Variants in RIMS2 observed in about 807,000 individuals in gnomAD.
RIMS2 encodes the protein regulating synaptic membrane exocytosis protein 2.
A neutral mutation model predicts 174.4 loss-of-function variants in RIMS2; 59 were observed. The ratio of observed to expected loss-of-function variants is 0.34; its 90% CI spans 0.27 to 0.42. The LOEUF is 0.42. Among genes scored for constraint, RIMS2 ranks in the 10% least tolerant of loss-of-function variants. The probability of loss-of-function intolerance (pLI) is 1.00; values close to 1 mark genes in which losing one functional copy is unlikely to be tolerated. For missense variants in RIMS2, 1,620 were observed against 1,666.3 expected (o/e 0.97, Z 0.48); for synonymous variants, 606 against 572.5 (o/e 1.06, Z -0.84).
intron 19 of RIMS2, among the ~76,000 whole-genome samples, chr8:104,176,869 C>T (rs1462176329): frequency 6.6e-6 from 1 of 151,910 alleles, no homozygotes; most frequent in African/African-American, 2.4e-5. Context: ...GTTTTATGTA[C>T]TACTCCTATT....
At chr8:104,238,307 G>A (rs991150910) in intron 19 of RIMS2, among the ~76,000 whole-genome samples, 1 of 152,016 alleles carries the variant, frequency 6.6e-6, no homozygotes, top group East Asian at 1.9e-4. Flanking sequence ...GAGGGGTAGG[G>A]GGCAAGGGGA....
chr8:103,887,042 G>A (rs1024471343), intron 4 of RIMS2, among the ~76,000 whole-genome samples: 1 of 151,642 alleles, frequency 6.6e-6, no homozygotes, highest in South Asian at 2.1e-4. Context: ...TTCCAAAAAG[G>A]TTGTAACATG....
rs150376641 is a variant in RIMS2, at chr8:103,633,192, A to ATT, written c.177-63879_177-63878dup. 8.0e-3 allele frequency among the ~76,000 whole-genome samples: 1,078 copies of ATT among 134,916 alleles called. 13 individuals are homozygous for ATT. Among genetic ancestry groups the ATT allele is most frequent in the Admixed American group, 8.4e-3 (115 of 13,628 alleles). The allele number at this position is 134,916 out of a possible 152,430, so 88.5% of individuals were successfully genotyped here. A position where few individuals can be genotyped will look rare whatever the true frequency, so the allele number is the denominator to read the frequency against. On this transcript the variant is annotated intron_variant, in intron 1 of 23. Coordinates refer to ENST00000504942, the Ensembl canonical transcript of RIMS2. ...CAGGCATGTGCCACCACGCCCGGCTATTTTTTTTTTTTTTTTGTATTTTTT... is the reference window on the plus strand; with the variant it reads ...CAGGCATGTGCCACCACGCCCGGCTATTTTTTTTTTTTTTTTTTGTATTTTTT...
chr8:103,655,717 T>C (rs1487410696), intron 1 of RIMS2, among the ~76,000 whole-genome samples: 1 of 152,010 alleles, frequency 6.6e-6, no homozygotes, highest in East Asian at 1.9e-4. Context: ...ACATGATATG[T>C]GAGAGTCTTT....
At chr8:103,571,181 ACATACTATGTATT>A (rs1447688673) in intron 1 of RIMS2, among the ~76,000 whole-genome samples, 1 of 152,220 alleles carries the variant, frequency 6.6e-6, no homozygotes, top group Non-Finnish European at 1.5e-5. Context: ...TGTGTTTGGT[ACATACTATGTATT>A]CATTAAGTGT....
At chr8:103,541,544 TAAGAA>T (rs892966472) in intron 1 of RIMS2, among the ~76,000 whole-genome samples, 16 of 152,034 alleles carry the variant, frequency 1.1e-4, no homozygotes, top group African/African-American at 3.6e-4. Flanking sequence ...CAAACTGAAA[TAAGAA>T]AAGAAATGCT....
intron 3 of RIMS2, among the ~76,000 whole-genome samples, chr8:103,821,976 A>G (rs2098754952): frequency 6.6e-6 from 1 of 151,630 alleles, no homozygotes; most frequent in Non-Finnish European, 1.5e-5. Flanking sequence ...TGGAAAGAAC[A>G]GTTTTGGTTA....
intron 3 of RIMS2, among the ~76,000 whole-genome samples, chr8:103,846,184 T>A (rs935293590): frequency 1.3e-5 from 2 of 152,150 alleles, no homozygotes; most frequent in Admixed American, 1.3e-4. Context: ...TTGAAGTCTA[T>A]TTTCTTTTTA....
At chr8:104,083,251 A>G (rs1159636243) in intron 19 of RIMS2, among the ~76,000 whole-genome samples, 2 of 152,192 alleles carry the variant, frequency 1.3e-5, no homozygotes, top group Admixed American at 1.3e-4. Flanking sequence ...TTTCAGCACA[A>G]GTACTTAAAG....
At chr8:104,173,331 G>A (rs2098842933) in intron 19 of RIMS2, among the ~76,000 whole-genome samples, 1 of 151,964 alleles carries the variant, frequency 6.6e-6, no homozygotes, top group African/African-American at 2.4e-5. Context: ...CTGGGTTTTG[G>A]CATTCTTCAA....
At chr8:104,031,757 C>G (rs1026456912) in intron 19 of RIMS2, among the ~76,000 whole-genome samples, 2 of 152,004 alleles carry the variant, frequency 1.3e-5, no homozygotes, top group Non-Finnish European at 2.9e-5. Flanking sequence ...AAAGAAACAC[C>G]AGTCTGAGAC....
At chr8:103,768,333 TG>T in intron 3 of RIMS2, 1 of 674,196 alleles carries the variant, frequency 1.5e-6, no homozygotes. Context: ...CTCATTGAAG[TG>T]GATGATAAAC....
rs548936798 is a variant in RIMS2 at position 103,850,282 on chromosome 8, G to T, written c.699-35016G>T. On this transcript the variant is annotated intron_variant, in intron 3 of 23. Transcript: ENST00000504942. ...TTTGTATCTTGTAGAACAAAAGAATGAAATACTATTACATTTGAAGAAAAC... is the reference window on the plus strand; with the variant it reads ...TTTGTATCTTGTAGAACAAAAGAATTAAATACTATTACATTTGAAGAAAAC... Among the ~76,000 whole-genome samples the T allele has an allele frequency of 5.9e-5, 9 of 152,084 alleles. No homozygotes were observed. In the East Asian group the frequency reaches 1.3e-3, roughly 23 times the overall value.
In RIMS2 at chr8:104,143,560, G is replaced by T. The variant is rs573427684; in HGVS notation, c.3335-101356G>T. ...GCACAACAGTAGGAAGAAAAAGGAA[G>T]TAAGCCTTTCAAGATACCATGTTTA... On this transcript the variant is annotated intron_variant, in intron 19 of 23. Coordinates refer to ENST00000504942, the Ensembl canonical transcript of RIMS2. Among the ~76,000 whole-genome samples the T allele has an allele frequency of 6.6e-5, 10 of 152,304 alleles. No individual in the cohort carries two copies. The South Asian group carries it at 2.1e-3, about 32-fold the overall frequency.
intron 19 of RIMS2, among the ~76,000 whole-genome samples, chr8:104,163,103 C>T (rs1445200530): frequency 1.3e-5 from 2 of 152,148 alleles, no homozygotes; most frequent in East Asian, 1.9e-4. Flanking sequence ...AGACTGTTGG[C>T]TCATTGTCCC....
At chr8:103,650,206 T>G (rs1413899393) in intron 1 of RIMS2, among the ~76,000 whole-genome samples, 1 of 152,164 alleles carries the variant, frequency 6.6e-6, no homozygotes, top group East Asian at 1.9e-4. Flanking sequence ...AAGGGTCCCC[T>G]TCAGACCCTA....
At chr8:103,712,938 T>A (rs983047127) in intron 2 of RIMS2, among the ~76,000 whole-genome samples, 2 of 152,218 alleles carry the variant, frequency 1.3e-5, no homozygotes, top group Non-Finnish European at 2.9e-5. Flanking sequence ...TAATAATCCT[T>A]ATTTTTAACT....
In RIMS2 at chr8:103,607,493, C is replaced by T. The variant is rs561413128; in HGVS notation, c.177-89593C>T. Among the ~76,000 whole-genome samples, 911 of 151,344 alleles carry T rather than the reference C, an allele frequency of 6.0e-3. 15 individuals carry two copies. The highest frequency in any genetic ancestry group is 7.3e-3 in the Non-Finnish European group (498 of 67,876). The stretch of plus-strand genomic sequence containing the variant: ...CAATTGTGTTCTTGGAGTTGCTCTT[C>T]TTGAGGAGTATCTTTGTGTCGTTCT... On this transcript the variant is annotated intron_variant, in intron 1 of 23. Transcript: ENST00000504942.
At position 103,698,272 on chromosome 8, in the gene RIMS2, A is replaced by G. The variant is rs1259389999; in HGVS notation, c.387+976A>G. On this transcript the variant is annotated intron_variant, in intron 2 of 23. Transcript: ENST00000504942. ...AGGTACATTGGCTAGAAACTGCAGT[A>G]TAATTTTGAATAAAGTGGATGAAAG... Among the ~76,000 whole-genome samples, 3 of 152,186 alleles carry G rather than the reference A, an allele frequency of 2.0e-5. No individual in the cohort carries two copies. The East Asian group carries it at 5.8e-4, about 29-fold the overall frequency.
Sources: allele counts gnomAD v4.1 joint callset (sites outside exome capture counted in the v4.1 genomes callset), GRCh38; gene constraint gnomAD v4.1.1; transcripts MANE v1.5; gene names NCBI Gene and HGNC (gene_info 2026-07-23, HGNC 2026-07-21).